Variants in ZNF582 observed in about 807,000 individuals in gnomAD.
ZNF582 encodes the protein zinc finger protein 582.
Under a neutral mutation model 12.3 loss-of-function variants are expected in ZNF582, and 14 were observed. The ratio of observed to expected loss-of-function variants is 1.14; its 90% CI spans 0.75 to 1.78. The LOEUF (loss-of-function observed/expected upper bound fraction) is 1.78. Among genes scored for constraint, ZNF582 ranks in the 40% most tolerant of loss-of-function variants. The pLI, the probability that ZNF582 is intolerant of heterozygous loss-of-function variation, is 0.00. For missense variants in ZNF582, 567 were observed against 616.5 expected, an observed-to-expected ratio of 0.92 and a Z score of 0.85; for synonymous variants, 210 against 207.2, an observed-to-expected ratio of 1.01 and a Z score of -0.11.
chr19:56,393,442 C>G, exon 1 of ZNF582: 1 of 533,320 alleles, frequency 1.9e-6, no homozygotes, highest in Non-Finnish European at 3.6e-6. Context: ...AACCTCTCAC[C>G]TGCCGCCTCC....
chr19:56,383,898 T>C (rs2041938752), exon 5 of ZNF582: 2 of 1,598,890 alleles, frequency 1.3e-6, no homozygotes, highest in Non-Finnish European at 8.5e-7. Flanking sequence ...CTTCCATTCA[T>C]ATGGTTGCTT....
chr19:56,384,966 T>G, exon 5 of ZNF582: 1 of 1,614,142 alleles, frequency 6.2e-7, no homozygotes, highest in Non-Finnish European at 8.5e-7. Flanking sequence ...TGGTCAAAAG[T>G]GGGCATTTCT....
In ZNF582 at chr19:56,384,278, G is replaced by T. The variant is rs1307538743; in HGVS notation, c.1139C>A (p.Ser380Ter). ...AATTCTCTGATGTTGCTTGAGTTGT[G>T]AGCTCACTCTAAAGGCCTTTCCACA... is the stretch of plus-strand genomic sequence containing the variant. Residue 380 changes from serine to a stop codon, truncating the protein, a stop_gained, in exon 5 of 5, where the codon TCA becomes TAA. Transcript: ENST00000586929. LOFTEE classifies it low-confidence loss of function (END_TRUNC). The T allele has an allele frequency of 9.3e-6, 15 of 1,613,906 alleles. No homozygotes were observed. Among genetic ancestry groups the T allele is most frequent in the Non-Finnish European group, 1.3e-5 (15 of 1,180,006 alleles).
At chr19:56,390,353 C>G (rs1393310576) in intron 3 of ZNF582, 22 bp downstream of exon 3, 2 of 1,613,990 alleles carry the variant, frequency 1.2e-6, no homozygotes, top group Non-Finnish European at 1.7e-6. Context: ...AACCTCCAAA[C>G]TAACAGACGA....
exon 5 of ZNF582, chr19:56,384,292 G>A (rs752112175): frequency 1.2e-6 from 2 of 1,613,840 alleles, no homozygotes; most frequent in African/African-American, 2.7e-5. Context: ...TCACTCTAAA[G>A]GCCTTTCCAC....
At chr19:56,389,656 T>C (rs2041999076) in intron 4 of ZNF582, among the ~76,000 whole-genome samples, 1 of 152,066 alleles carries the variant, frequency 6.6e-6, no homozygotes. Flanking sequence ...CCTGCACTTA[T>C]ACTCCTGAAG....
At position 56,390,524 on chromosome 19, in the gene ZNF582, T is replaced by C. The variant is rs79126767; in HGVS notation, c.10-23A>G. Reference sequence around the variant, plus strand: ...CCCCTGGAATGACAGGCATGTATGATATATATGTATTTCAATGGTTCACAG... The same window carrying C: ...CCCCTGGAATGACAGGCATGTATGACATATATGTATTTCAATGGTTCACAG... On this transcript the variant is annotated intron_variant, in intron 2 of 4. Transcript: ENST00000586929. 15,647 of 1,613,434 alleles carry C rather than the reference T, an allele frequency of 9.7e-3. 117 individuals are homozygous for C. Among genetic ancestry groups the C allele is most frequent in the African/African-American group, 0.032 (2,415 of 74,944 alleles).
At chr19:56,384,081 T>G (rs749069778) in exon 5 of ZNF582, 7 of 1,611,034 alleles carry the variant, frequency 4.3e-6, no homozygotes, top group Non-Finnish European at 5.9e-6. Flanking sequence ...TTTTTCTCAG[T>G]GTGAATAACC....
intron 4 of ZNF582, among the ~76,000 whole-genome samples, chr19:56,385,631 C>G (rs932144857): frequency 2.0e-5 from 3 of 150,376 alleles, no homozygotes; most frequent in African/African-American, 7.4e-5. Context: ...GAGCTATGAT[C>G]ACGCCAATGC....
At chr19:56,389,895 C>T in intron 4 of ZNF582, 106 bp downstream of exon 4, 1 of 837,142 alleles carries the variant, frequency 1.2e-6, no homozygotes, top group South Asian at 1.6e-5. Context: ...AAGACATAAG[C>T]TTTGAAGGTA....
exon 5 of ZNF582, chr19:56,385,032 C>G: frequency 7.4e-6 from 12 of 1,614,130 alleles, no homozygotes; most frequent in Non-Finnish European, 9.3e-6. Flanking sequence ...TGTTGTCTGT[C>G]AAACTGGTTT....
exon 5 of ZNF582, chr19:56,384,304 T>C: frequency 6.2e-7 from 1 of 1,614,042 alleles, no homozygotes; most frequent in Non-Finnish European, 8.5e-7. Context: ...CCTTTCCACA[T>C]ACTTTGCACT....
chr19:56,387,853 C>T (rs374366462), intron 4 of ZNF582, among the ~76,000 whole-genome samples: 26 of 152,304 alleles, frequency 1.7e-4, no homozygotes, highest in African/African-American at 4.8e-4. Flanking sequence ...TTATGTTCTT[C>T]GACAGATTGA....
chr19:56,388,035 A>T (rs182960870), intron 4 of ZNF582, among the ~76,000 whole-genome samples: 8 of 152,050 alleles, frequency 5.3e-5, no homozygotes, highest in Non-Finnish European at 8.8e-5. Flanking sequence ...GCATTCTTGC[A>T]TTTATGTACA....
rs377315503 is a variant in ZNF582, at chr19:56,383,954, G to A, written c.1463C>T (p.Ser488Phe). ...GATTAGTAAGGGGTAACTGCTGATG[G>A]AAGGCTTTTCTACATTTATTATATT... Residue 488 changes from serine to phenylalanine, a missense_variant, in exon 5 of 5, where the codon TCC becomes TTC. Physicochemically the swap from Ser to Phe is radical, Grantham distance 155 (BLOSUM62 -2). Transcript: ENST00000586929. The A allele has an allele frequency of 1.9e-6, 3 of 1,613,476 alleles. No homozygotes were observed. The African/African-American group carries it at 4.0e-5, about 22-fold the overall frequency.
At chr19:56,385,681 A>G (rs2041960581) in intron 4 of ZNF582, among the ~76,000 whole-genome samples, 2 of 152,120 alleles carry the variant, frequency 1.3e-5, no homozygotes, top group South Asian at 4.1e-4. Flanking sequence ...TAAAAAAAAA[A>G]AAAAAAGAGT....
intron 2 of ZNF582, 146 bp downstream of exon 2, chr19:56,391,598 G>A (rs1163320051): frequency 8.5e-6 from 6 of 706,960 alleles, no homozygotes; most frequent in Non-Finnish European, 1.5e-5. Context: ...ATTTGTCAGA[G>A]GGGAGAGGAC....
intron 3 of ZNF582, 136 bp from the exon 4 acceptor site, chr19:56,390,232 G>A (rs567248680): frequency 2.9e-5 from 40 of 1,381,034 alleles, no homozygotes; most frequent in African/African-American, 4.3e-5. Context: ...TGGGGGTAGG[G>A]GGATGCAGCT....
exon 5 of ZNF582, chr19:56,383,738 TTTTC>T: frequency 1.7e-6 from 2 of 1,167,794 alleles, no homozygotes; most frequent in South Asian, 2.2e-5. Flanking sequence ...ATCCATAAAA[TTTTC>T]TTTGATATGA....
Sources: gnomAD v4.1 joint callset for allele counts (sites outside exome capture counted in the v4.1 genomes callset) on GRCh38, gnomAD v4.1.1 for gene constraint, MANE v1.5 for transcripts, NCBI Gene and HGNC (gene_info 2026-07-23, HGNC 2026-07-21) for gene names.